The following IL18 variants were observed in gnomAD, a reference collection of about 807,000 sequenced individuals.
IL18 encodes the protein interleukin-18.
Under a neutral mutation model 14.2 loss-of-function variants are expected in IL18, and 8 were observed. That is an observed-to-expected ratio of 0.56 (90% CI 0.33 to 1.01). The LOEUF is 1.01. Among genes scored for constraint, IL18 ranks in the 50% least tolerant of loss-of-function variants. The pLI is 0.03. For synonymous variants in IL18, 67 were observed against 71.0 expected, an observed-to-expected ratio of 0.94 and a Z score of 0.28; for missense variants, 166 against 231.1, an observed-to-expected ratio of 0.72 and a Z score of 1.83.
chr11:112,148,581 A>G (rs1198087328), intron 5 of IL18, 22 bp downstream of exon 5: 3 of 1,317,908 alleles, frequency 2.3e-6, no homozygotes, highest in Non-Finnish European at 3.0e-6. Context: ...ATGATTGAAA[A>G]CAAAGTAAGG....
At chr11:112,147,864 G>T (rs1866369648) in intron 5 of IL18, among the ~76,000 whole-genome samples, 1 of 152,138 alleles carries the variant, frequency 6.6e-6, no homozygotes, top group South Asian at 2.1e-4. Context: ...TTGCCAATTT[G>T]TAAGCATCCC....
chr11:112,161,789 G>A (rs923358294), intron 1 of IL18, among the ~76,000 whole-genome samples: 1 of 151,964 alleles, frequency 6.6e-6, no homozygotes, highest in African/African-American at 2.4e-5. Context: ...GACACAGCAG[G>A]GCTCCATCTC....
chr11:112,152,964 C>A (rs1224097289), intron 3 of IL18: 1 of 152,124 alleles, frequency 6.6e-6, no homozygotes, highest in African/African-American at 2.4e-5. Flanking sequence ...CCAAATTTCA[C>A]ATCTTGGGGT....
intron 5 of IL18, among the ~76,000 whole-genome samples, chr11:112,144,449 G>T (rs1866301887): frequency 6.6e-6 from 1 of 152,126 alleles, no homozygotes; most frequent in Non-Finnish European, 1.5e-5. Flanking sequence ...ATCTCACTTT[G>T]TTGCCTAGGC....
At position 112,163,593 on chromosome 11, in the gene IL18, CT is replaced by C. The variant is rs34269466; in HGVS notation, c.-9+312del. ...AAATAAAAAAGTGTCACTCTTTATG[CT>C]TTTTTTTTGTTGTTAAAAAAGTACA... On this transcript the variant is annotated intron_variant, in intron 1 of 5. Transcript: ENST00000280357. Among the ~76,000 whole-genome samples, 291 of 150,942 alleles carry C rather than the reference CT, an allele frequency of 1.9e-3. 2 individuals carry two copies. Among genetic ancestry groups the C allele is most frequent in the African/African-American group, 5.9e-3 (242 of 41,136 alleles).
At chr11:112,162,186 T>C (rs1207527938) in intron 1 of IL18, among the ~76,000 whole-genome samples, 1 of 152,130 alleles carries the variant, frequency 6.6e-6, no homozygotes, top group East Asian at 1.9e-4. Flanking sequence ...GTAGTTTAAA[T>C]GGCCTAGTTT....
In IL18 at chr11:112,143,680, C is replaced by A; in HGVS notation, c.498G>T (p.Glu166Asp). ...YEGYFLACEK[E>D]RDLFKLILKK... ...TCAAAATGAGTTTAAAAAGGTCTCT[C>A]TCTTTTTCACAAGCTAGAAAGTATC... is the stretch of plus-strand genomic sequence containing the variant. Residue 166 changes from glutamate (E) to aspartate (D), a missense_variant, in exon 6 of 6, where the codon GAG (glutamate) becomes GAT (aspartate). Coordinates refer to ENST00000280357, the MANE Select transcript of IL18 (RefSeq NM_001562.4). 6.2e-7 allele frequency: 1 copy of A among 1,612,660 alleles called. No individual in the cohort carries two copies. The highest frequency in any genetic ancestry group is 8.5e-7 in the Non-Finnish European group (1 of 1,178,842).
At chr11:112,159,414 A>G (rs1320102340) in intron 1 of IL18, among the ~76,000 whole-genome samples, 8 of 152,092 alleles carry the variant, frequency 5.3e-5, no homozygotes, top group Non-Finnish European at 7.4e-5. Flanking sequence ...ACAACTACTG[A>G]AGTAATTTTA....
intron 5 of IL18, among the ~76,000 whole-genome samples, chr11:112,146,635 A>C (rs1024196108): frequency 1.3e-5 from 2 of 151,670 alleles, no homozygotes; most frequent in African/African-American, 2.4e-5. Context: ...GTTGTATCTT[A>C]TTATCTAGAA....
Position 112,143,401 on chromosome 11 carries a change from C to G in IL18, c.*195G>C. 1 of 468,100 alleles carries G rather than the reference C, an allele frequency of 2.1e-6. No homozygotes were observed. Among genetic ancestry groups the G allele is most frequent in the Non-Finnish European group, 3.8e-6 (1 of 262,004 alleles). The allele number at this position is 468,100 out of a possible 1,614,324, so 29.0% of individuals were successfully genotyped here. A position where few individuals can be genotyped will look rare whatever the true frequency, so the allele number is the denominator to read the frequency against. On this transcript the variant is annotated 3_prime_UTR_variant, in exon 6 of 6. Coordinates refer to ENST00000280357, the MANE Select transcript of IL18 (RefSeq NM_001562.4). ...GTGCAAGTGATTCTCCTGCCTCAGCCTCTTGAGTAGCTGGGATTGAGGGCA... is the reference window on the plus strand; with the variant it reads ...GTGCAAGTGATTCTCCTGCCTCAGCGTCTTGAGTAGCTGGGATTGAGGGCA...
At chr11:112,145,236 T>C (rs1357692742) in intron 5 of IL18, among the ~76,000 whole-genome samples, 4 of 152,234 alleles carry the variant, frequency 2.6e-5, no homozygotes. Context: ...TATCAACAAG[T>C]GTGGGTCCTA....
At chr11:112,147,138 C>T (rs557463707) in intron 5 of IL18, among the ~76,000 whole-genome samples, 2 of 152,114 alleles carry the variant, frequency 1.3e-5, no homozygotes, top group South Asian at 4.2e-4. Context: ...CCATGTTGGT[C>T]AGGCTGGTCT....
chr11:112,156,734 C>T (rs928498655), intron 1 of IL18, among the ~76,000 whole-genome samples: 1 of 151,948 alleles, frequency 6.6e-6, no homozygotes, highest in Non-Finnish European at 1.5e-5. Flanking sequence ...TGTCAGCCAC[C>T]ATGCCTGGCC....
chr11:112,154,002 C>T (rs1402545028), intron 2 of IL18, among the ~76,000 whole-genome samples: 2 of 151,862 alleles, frequency 1.3e-5, no homozygotes, highest in Non-Finnish European at 2.9e-5. Flanking sequence ...TACTGTCATG[C>T]AGGCTGGAGT....
intron 1 of IL18, among the ~76,000 whole-genome samples, chr11:112,163,346 T>C (rs1866666205): frequency 6.6e-6 from 1 of 152,232 alleles, no homozygotes; most frequent in South Asian, 2.1e-4. Context: ...GCTTATTTAT[T>C]TTACCACTCT....
At chr11:112,150,318 C>T (rs1042841959) in intron 3 of IL18, 112 bp from the exon 4 acceptor site, 4 of 695,028 alleles carry the variant, frequency 5.8e-6, no homozygotes, top group Non-Finnish European at 9.5e-6. Context: ...TCTTCTGTTC[C>T]AGAAGTAGCT....
chr11:112,154,722 T>G (rs949549614), intron 2 of IL18, among the ~76,000 whole-genome samples: 1 of 152,226 alleles, frequency 6.6e-6, no homozygotes, highest in Non-Finnish European at 1.5e-5. Flanking sequence ...GGGATTTTCA[T>G]GATGTGCACT....
intron 2 of IL18, among the ~76,000 whole-genome samples, chr11:112,154,483 G>A (rs1291132859): frequency 6.6e-6 from 1 of 150,572 alleles, no homozygotes; most frequent in Non-Finnish European, 1.5e-5. Flanking sequence ...CAGAGATTGT[G>A]CCACTGCACT....
intron 1 of IL18, among the ~76,000 whole-genome samples, chr11:112,163,032 G>C (rs942454915): frequency 2.0e-5 from 3 of 152,190 alleles, no homozygotes; most frequent in Non-Finnish European, 2.9e-5. Context: ...CTAGGCATGA[G>C]CTAGTGCACC....
Sources: allele counts gnomAD v4.1 joint callset (sites outside exome capture counted in the v4.1 genomes callset), GRCh38; gene constraint gnomAD v4.1.1; transcripts MANE v1.5; gene names NCBI Gene and HGNC (gene_info 2026-07-23, HGNC 2026-07-21).